Variants in LINC00305 observed in about 807,000 individuals in gnomAD.
LINC00305 encodes the protein long independently transcribed non-coding RNA 305, also known as long intergenic non-protein coding RNA 305.
At chr18:64,144,517 T>A (rs1325742157) in intron 1 of LINC00305, among the ~76,000 whole-genome samples, 2 of 92,156 alleles carry the variant, frequency 2.2e-5, no homozygotes, top group Non-Finnish European at 5.1e-5. Flanking sequence ...TAATGATTAA[T>A]TTTTTTTTGA....
intron 1 of LINC00305, among the ~76,000 whole-genome samples, chr18:64,109,372 T>G (rs1485308928): frequency 6.6e-6 from 1 of 152,196 alleles, no homozygotes; most frequent in Non-Finnish European, 1.5e-5. Context: ...TGATTCTTAC[T>G]GATCAGGACA....
intron 1 of LINC00305, among the ~76,000 whole-genome samples, chr18:64,140,241 C>G (rs551290099): frequency 2.6e-5 from 4 of 152,038 alleles, no homozygotes; most frequent in African/African-American, 4.8e-5. Context: ...CAGAGTCTCA[C>G]TCTGTCACCC....
Position 64,139,070 on chromosome 18 carries a change from C to A in LINC00305, n.314+9705G>T, listed in dbSNP as rs1234679565. ...GAACAGTTTCTTTCCAATGACAATG[C>A]TTTTAACAGCCTCCAAACATTCTTC... On this transcript the variant is annotated intron_variant and non_coding_transcript_variant, in intron 1 of 3. Transcript: ENST00000666468. Among the ~76,000 whole-genome samples the A allele has an allele frequency of 2.6e-5, 4 of 152,270 alleles. No individual in the cohort carries two copies. The South Asian group carries it at 8.3e-4, about 32-fold the overall frequency.
chr18:64,109,437 G>A (rs969256126), intron 1 of LINC00305, among the ~76,000 whole-genome samples: 1 of 152,180 alleles, frequency 6.6e-6, no homozygotes, highest in African/African-American at 2.4e-5. Context: ...ATTACAATTG[G>A]AACTAACAAC....
intron 1 of LINC00305, among the ~76,000 whole-genome samples, chr18:64,135,710 C>T (rs146188485): frequency 0.051 from 7,739 of 152,138 alleles, 654 homozygotes; most frequent in African/African-American, 0.18. Flanking sequence ...CTCAGCCTCC[C>T]GAGTAGCTGG....
intron 3 of LINC00305, among the ~76,000 whole-genome samples, chr18:64,089,155 G>C (rs902713557): frequency 7.9e-5 from 12 of 152,166 alleles, no homozygotes; most frequent in Admixed American, 4.6e-4. Context: ...CAGAGGTAGA[G>C]AGAGGGACCC....
At chr18:64,111,996 C>A (rs893156079) in intron 1 of LINC00305, among the ~76,000 whole-genome samples, 1 of 152,154 alleles carries the variant, frequency 6.6e-6, no homozygotes, top group Non-Finnish European at 1.5e-5. Flanking sequence ...CCAATTTATT[C>A]TATATTTCCC....
chr18:64,114,226 C>T (rs1298977341), intron 1 of LINC00305, among the ~76,000 whole-genome samples: 2 of 152,126 alleles, frequency 1.3e-5, no homozygotes, highest in Non-Finnish European at 2.9e-5. Context: ...GCCGAGATTG[C>T]GCCACTGCAC....
intron 1 of LINC00305, among the ~76,000 whole-genome samples, chr18:64,136,234 C>T (rs958975498): frequency 1.8e-4 from 28 of 152,112 alleles, no homozygotes; most frequent in Non-Finnish European, 1.2e-4. Context: ...TAGGTATCTG[C>T]CTTCCAAGTA....
At chr18:64,098,253 C>A (rs2613659) in intron 2 of LINC00305, among the ~76,000 whole-genome samples, 3 of 152,012 alleles carry the variant, frequency 2.0e-5, no homozygotes, top group Non-Finnish European at 2.9e-5. Flanking sequence ...TAAACCTGAC[C>A]GTGTTTATAG....
chr18:64,120,459 T>C (rs1218914683), intron 1 of LINC00305, among the ~76,000 whole-genome samples: 1 of 152,076 alleles, frequency 6.6e-6, no homozygotes, highest in East Asian at 1.9e-4. Context: ...CTAGGGTATT[T>C]TTTTTTTTAG....
intron 1 of LINC00305, among the ~76,000 whole-genome samples, chr18:64,145,910 T>C (rs1312177916): frequency 6.6e-6 from 1 of 152,186 alleles, no homozygotes; most frequent in Non-Finnish European, 1.5e-5. Flanking sequence ...TAGGGTCCAC[T>C]TGTTTTCGAA....
intron 1 of LINC00305, among the ~76,000 whole-genome samples, chr18:64,129,776 G>A (rs2051401138): frequency 6.6e-6 from 1 of 151,982 alleles, no homozygotes; most frequent in South Asian, 2.1e-4. Flanking sequence ...CTTTCCAACT[G>A]CTTCTTTTTT....
At chr18:64,102,827 C>G (rs2051272968) in intron 1 of LINC00305, among the ~76,000 whole-genome samples, 1 of 152,152 alleles carries the variant, frequency 6.6e-6, no homozygotes, top group Admixed American at 6.5e-5. Context: ...ACTCACAATA[C>G]AGTATCAAGG....
At chr18:64,089,242 G>C (rs578239864) in intron 3 of LINC00305, among the ~76,000 whole-genome samples, 25 of 152,280 alleles carry the variant, frequency 1.6e-4, no homozygotes, top group Admixed American at 1.6e-3. Context: ...CATTAGATCT[G>C]ATGGTTTTAC....
At chr18:64,098,475 A>G (rs2051255576) in intron 2 of LINC00305, 2 of 415,470 alleles carry the variant, frequency 4.8e-6, no homozygotes, top group South Asian at 1.8e-5. Flanking sequence ...CTCATAAGTA[A>G]CATTCTAATT....
rs537200495 is a variant in LINC00305 at position 64,143,762 on chromosome 18, C to T, written n.314+5013G>A. The stretch of plus-strand genomic sequence containing the variant: ...CATATTATGCGTACATGTATGTACA[C>T]ATATTATGCGTACATGTATGTACAC... On this transcript the variant is annotated intron_variant and non_coding_transcript_variant, in intron 1 of 3. Transcript: ENST00000666468. Among the ~76,000 whole-genome samples the T allele has an allele frequency of 8.0e-5, 12 of 150,804 alleles. 1 individual carries two copies. Among genetic ancestry groups the T allele is most frequent in the Non-Finnish European group, 1.3e-4 (9 of 67,626 alleles).
intron 1 of LINC00305, among the ~76,000 whole-genome samples, chr18:64,120,456 A>AT (rs80084018): frequency 3.0e-3 from 440 of 147,478 alleles, no homozygotes; most frequent in South Asian, 0.01. Flanking sequence ...AAACTAGGGT[A>AT]TTTTTTTTTT....
At chr18:64,105,342 T>C (rs2051285511) in intron 1 of LINC00305, among the ~76,000 whole-genome samples, 1 of 152,052 alleles carries the variant, frequency 6.6e-6, no homozygotes, top group African/African-American at 2.4e-5. Flanking sequence ...ACACCTGTAG[T>C]CCCAGCTACT....
Sources: gnomAD v4.1 joint callset for allele counts (sites outside exome capture counted in the v4.1 genomes callset) on GRCh38, gnomAD v4.1.1 for gene constraint, MANE v1.5 for transcripts, NCBI Gene and HGNC (gene_info 2026-07-23, HGNC 2026-07-21) for gene names.